The following CASZ1 variants were observed in gnomAD, a reference collection of about 807,000 sequenced individuals.
CASZ1 encodes zinc finger protein castor homolog 1.
A neutral mutation model predicts 135.2 loss-of-function variants in CASZ1; 28 were observed. The ratio of observed to expected loss-of-function variants is 0.21; its 90% CI spans 0.15 to 0.28. The LOEUF is 0.28. CASZ1 is among the 10% of genes least tolerant of loss of function. CASZ1 has a pLI of 1.00. For synonymous variants in CASZ1, 1,068 were observed against 1,073.4 expected (o/e 0.99, Z 0.10); for missense variants, 2,161 against 2,453.3 (o/e 0.88, Z 2.52).
At chr1:10,723,491 G>T (rs368291697) in intron 2 of CASZ1, among the ~76,000 whole-genome samples, 1 of 152,208 alleles carries the variant, frequency 6.6e-6, no homozygotes, top group South Asian at 2.1e-4. Context: ...CAAGCCAGGC[G>T]CCAGCCTCTC....
rs137945069 is a variant in CASZ1 at position 10,669,943 on chromosome 1, C to G, written c.17-4372G>C. Among the ~76,000 whole-genome samples, 197 of 152,350 alleles carry G rather than the reference C, an allele frequency of 1.3e-3. 1 individual carries two copies. The highest frequency in any genetic ancestry group is 4.7e-3 in the African/African-American group (194 of 41,580). ...ATAAAGTTCTCCCTGCGCGTCCCTT[C>G]TAAACATTTCACTCAGTGGAAACGG... On this transcript the variant is annotated intron_variant, in intron 4 of 20. Coordinates refer to ENST00000377022, the MANE Select transcript of CASZ1 (RefSeq NM_001079843.3).
In CASZ1 at chr1:10,706,145, G is replaced by T. The variant is rs1326270661; in HGVS notation, c.-76-601C>A. Among the ~76,000 whole-genome samples the T allele has an allele frequency of 6.6e-6, 1 of 152,254 alleles. No individual in the cohort carries two copies. Among genetic ancestry groups the T allele is most frequent in the East Asian group, 1.9e-4 (1 of 5,190 alleles). On this transcript the variant is annotated intron_variant, in intron 2 of 20. Transcript: ENST00000377022. The surrounding 1 kb of genome is among the most constrained non-coding windows in gnomAD (Gnocchi z 4.3). ...CCTTCCACCCCGGGGTCCTACCCAT[G>T]AGTCATCACAGCCCATGTCCAGAGA...
At position 10,753,512 on chromosome 1, in the gene CASZ1, T is replaced by A. The variant is rs955325771; in HGVS notation, c.-77+7189A>T. Among the ~76,000 whole-genome samples the A allele has an allele frequency of 4.6e-5, 7 of 152,256 alleles. No individual in the cohort carries two copies. The East Asian group carries it at 1.2e-3, about 25-fold the overall frequency. ...TGGTGGAGCTCAGCTCAACGGCTAA[T>A]CCCCTGGGTGGCTCCTGTCAGATTA... On this transcript the variant is annotated intron_variant, in intron 2 of 20. Coordinates refer to ENST00000377022, the MANE Select transcript of CASZ1 (RefSeq NM_001079843.3).
chr1:10,792,450 T>TTCACTCCCCC (rs2100637684), intron 1 of CASZ1, among the ~76,000 whole-genome samples: 1 of 147,988 alleles, frequency 6.8e-6, no homozygotes, highest in South Asian at 2.2e-4. Context: ...TGGAAGAACA[T>TTCACTCCCCC]TCACTCCCCC....
chr1:10,712,072 G>A (rs987341853), intron 2 of CASZ1, among the ~76,000 whole-genome samples: 1 of 152,106 alleles, frequency 6.6e-6, no homozygotes, highest in African/African-American at 2.4e-5. Flanking sequence ...CAGGCCGGGC[G>A]TGGTGGTTCA....
rs1207943192 is a variant in CASZ1 at position 10,646,765 on chromosome 1, C to A, written c.3498-439G>T. 5.3e-5 allele frequency among the ~76,000 whole-genome samples: 8 copies of A among 152,208 alleles called. No homozygotes were observed. The highest frequency in any genetic ancestry group is 1.2e-4 in the Non-Finnish European group (8 of 68,038). Reference sequence around the variant, plus strand: ...CAGACTGCAGATGGGTGCTCGGCCCCACCAGGAAGCGCTGCTGCCACAGGC... The same window carrying A: ...CAGACTGCAGATGGGTGCTCGGCCCAACCAGGAAGCGCTGCTGCCACAGGC... On this transcript the variant is annotated intron_variant, in intron 16 of 20. Transcript: ENST00000377022. This position sits in a 1 kb window ranked among gnomAD's most constrained non-coding sequence, Gnocchi z 6.4.
intron 12 of CASZ1, 74 bp from the exon 13 acceptor site, chr1:10,650,829 G>A (rs55860265): frequency 8.8e-6 from 14 of 1,597,706 alleles, no homozygotes; most frequent in African/African-American, 4.0e-5. Flanking sequence ...TTCCCTGCCC[G>A]ACCCTGGGGC....
chr1:10,789,461 G>A (rs1005360840), intron 1 of CASZ1, among the ~76,000 whole-genome samples: 4 of 150,952 alleles, frequency 2.6e-5, no homozygotes, highest in East Asian at 3.9e-4. Flanking sequence ...CACTCAATGC[G>A]CTTCCTTATT....
In CASZ1 at chr1:10,743,425, C is replaced by T. The variant is rs530712743; in HGVS notation, c.-77+17276G>A. On this transcript the variant is annotated intron_variant, in intron 2 of 20. Transcript: ENST00000377022. Reference sequence around the variant, plus strand: ...GAAAGGGCTCAGAATGAAGGAGAGCCCTGGGAGAGCCCTGGGCCTCCACCG... The same window carrying T: ...GAAAGGGCTCAGAATGAAGGAGAGCTCTGGGAGAGCCCTGGGCCTCCACCG... 3.3e-5 allele frequency among the ~76,000 whole-genome samples: 5 copies of T among 151,878 alleles called. No homozygotes were observed. The East Asian group carries it at 9.8e-4, about 30-fold the overall frequency.
chr1:10,654,371 T>C, intron 10 of CASZ1, 48 bp downstream of exon 10: 2 of 1,597,984 alleles, frequency 1.3e-6, no homozygotes, highest in Non-Finnish European at 1.7e-6. Context: ...GTCCTTGCCT[T>C]CCCTCCCCGC....
Position 10,777,462 on chromosome 1 carries a change from C to T in CASZ1, c.-233-16605G>A, listed in dbSNP as rs374968985. 1.3e-5 allele frequency among the ~76,000 whole-genome samples: 2 copies of T among 152,122 alleles called. No individual in the cohort carries two copies. The highest frequency in any genetic ancestry group is 6.5e-5 in the Admixed American group (1 of 15,270). ...GGAAGGAAGAATTGCCATTCAGCCC[C>T]GGATCCGGCCAGAGCACAGTCTCAC... On this transcript the variant is annotated intron_variant, in intron 1 of 20. Coordinates refer to ENST00000377022, the MANE Select transcript of CASZ1 (RefSeq NM_001079843.3). The surrounding 1 kb of genome is among the most constrained non-coding windows in gnomAD (Gnocchi z 4.4).
At chr1:10,704,599 CCGGT>C (rs1345873016) in intron 3 of CASZ1, 2 of 152,304 alleles carry the variant, frequency 1.3e-5, no homozygotes, top group African/African-American at 4.8e-5. Context: ...AAACCCAGAG[CCGGT>C]CGGTCGCAGC....
At chr1:10,641,289 C>T (rs1323456468) in intron 20 of CASZ1, among the ~76,000 whole-genome samples, 4 of 152,230 alleles carry the variant, frequency 2.6e-5, no homozygotes, top group Admixed American at 6.5e-5. Flanking sequence ...TCTGGTTATG[C>T]CAGAGTGGAG....
intron 12 of CASZ1, 25 bp from the exon 13 acceptor site, chr1:10,650,780 T>C: frequency 1.2e-6 from 2 of 1,603,976 alleles, no homozygotes; most frequent in Non-Finnish European, 8.5e-7. Context: ...CCAAGGGACT[T>C]GAGCTCAGAC....
rs551287546 is a variant in CASZ1 at position 10,722,471 on chromosome 1, C to T, written c.-76-16927G>A. Among the ~76,000 whole-genome samples, 8 of 152,330 alleles carry T rather than the reference C, an allele frequency of 5.3e-5. 1 individual carries two copies. The highest frequency in any genetic ancestry group is 2.1e-4 in the South Asian group (1 of 4,828). On this transcript the variant is annotated intron_variant, in intron 2 of 20. Coordinates refer to ENST00000377022, the MANE Select transcript of CASZ1 (RefSeq NM_001079843.3). ...CACGGACTTAGGGACCGAGTACCTT[C>T]GAGGGCAGATCTCTTTCCATTCAAG... is the stretch of plus-strand genomic sequence containing the variant.
In CASZ1 at chr1:10,654,036, C is replaced by G; in HGVS notation, c.2021G>C (p.Gly674Ala). 1 of 1,614,236 alleles carries G rather than the reference C, an allele frequency of 6.2e-7. No individual in the cohort carries two copies. The highest frequency in any genetic ancestry group is 8.5e-7 in the Non-Finnish European group (1 of 1,180,030). The change falls in exon 11 of 21, where the codon GGC becomes GCC. Residue 674 changes from glycine to alanine, a missense_variant. By Grantham distance (60) the Gly-to-Ala change is moderately conservative. Around this residue, in one of 7 missense-constraint regions of CASZ1, gnomAD observed 248 missense variants for 410.8 expected, o/e 0.60. Coordinates refer to ENST00000377022, the MANE Select transcript of CASZ1 (RefSeq NM_001079843.3). ...ATNHFHCIRA[G>A]CGFTFTSTSQ... ...GGTGGAGGTGAAGGTGAAGCCGCAG[C>G]CGGCGCGGATGCAGTGGAAGTGGTT...
chr1:10,636,825 T>G lies in CASZ1; in HGVS notation c.*2117A>C, dbSNP rs1243937039. The stretch of plus-strand genomic sequence containing the variant: ...CGGGTTTCACGTTCTGTATTTTTTT[T>G]GTCTCAAAACCTCTCTATATATCTC... On this transcript the variant is annotated 3_prime_UTR_variant, in exon 21 of 21. Transcript: ENST00000377022. The G allele has an allele frequency of 6.6e-6, 1 of 152,204 alleles. No individual in the cohort carries two copies. The highest frequency in any genetic ancestry group is 1.5e-5 in the Non-Finnish European group (1 of 67,988). 9.4% of individuals were successfully genotyped at this position (152,204 alleles called of 1,614,324 possible).
At chr1:10,782,966 AT>A in intron 1 of CASZ1, among the ~76,000 whole-genome samples, 1 of 152,286 alleles carries the variant, frequency 6.6e-6, no homozygotes, top group Non-Finnish European at 1.5e-5. Flanking sequence ...CCACTGCCAA[AT>A]TCTCATTTAC....
chr1:10,679,298 T>C lies in CASZ1; in HGVS notation c.17-13727A>G, dbSNP rs1638337900. Among the ~76,000 whole-genome samples, 1 of 152,174 alleles carries C rather than the reference T, an allele frequency of 6.6e-6. No homozygotes were observed. The highest frequency in any genetic ancestry group is 2.4e-5 in the African/African-American group (1 of 41,450). On this transcript the variant is annotated intron_variant, in intron 4 of 20. Coordinates refer to ENST00000377022, the MANE Select transcript of CASZ1 (RefSeq NM_001079843.3). This position sits in a 1 kb window ranked among gnomAD's most constrained non-coding sequence, Gnocchi z 4.7. ...CCAAACCTGAGGCAGACAGGTCTCC[T>C]GGGCCATCTGCACCACATGCCCCAG...
Sources: allele counts gnomAD v4.1 joint callset (sites outside exome capture counted in the v4.1 genomes callset), GRCh38; gene constraint gnomAD v4.1.1; regional missense constraint gnomAD v4.1.1; non-coding constraint Gnocchi (gnomAD v3.1); transcripts MANE v1.5; gene names NCBI Gene and HGNC (gene_info 2026-07-23, HGNC 2026-07-21).